The following MSRA variants were observed in gnomAD, a reference collection of about 807,000 sequenced individuals.
MSRA encodes mitochondrial peptide methionine sulfoxide reductase.
A neutral mutation model predicts 31.3 loss-of-function variants in MSRA; 54 were observed. The observed-to-expected ratio is 1.73, with a 90% CI of 1.39 to 2.17. The LOEUF (loss-of-function observed/expected upper bound fraction) is 2.17. MSRA is among the 30% of genes most tolerant of loss of function. The probability of loss-of-function intolerance (pLI) is 0.00; values close to 1 mark genes in which losing one functional copy is unlikely to be tolerated. For missense variants in MSRA, 507 were observed against 300.9 expected (o/e 1.69, Z -5.07); for synonymous variants, 169 against 116.5 (o/e 1.45, Z -2.90).
At chr8:10,089,979 A>G (rs990997411) in intron 1 of MSRA, among the ~76,000 whole-genome samples, 1 of 152,204 alleles carries the variant, frequency 6.6e-6, no homozygotes, top group Non-Finnish European at 1.5e-5. Context: ...GTGGGTATCA[A>G]ATTTCAACAT....
At chr8:10,339,259 T>C (rs1292348582) in intron 5 of MSRA, among the ~76,000 whole-genome samples, 1 of 152,210 alleles carries the variant, frequency 6.6e-6, no homozygotes, top group East Asian at 1.9e-4. Context: ...ACCATCTCTT[T>C]ATCTGAGCAT....
In MSRA at chr8:10,152,723, A is replaced by G. The variant is rs556566982; in HGVS notation, c.143-55110A>G. On this transcript the variant is annotated intron_variant, in intron 1 of 5. Transcript: ENST00000317173. Reference sequence around the variant, plus strand: ...GTTAAAAATGAGTAACGCACACTTCATGTTCACAGCAGCAGTATTCACAAT... The same window carrying G: ...GTTAAAAATGAGTAACGCACACTTCGTGTTCACAGCAGCAGTATTCACAAT... Among the ~76,000 whole-genome samples the G allele has an allele frequency of 2.0e-5, 3 of 152,346 alleles. No individual in the cohort carries two copies. In the East Asian group the frequency reaches 5.8e-4, roughly 29 times the overall value.
chr8:10,207,621 C>A (rs1307163172), intron 1 of MSRA, among the ~76,000 whole-genome samples: 1 of 152,148 alleles, frequency 6.6e-6, no homozygotes, highest in Admixed American at 6.5e-5. Context: ...TCAGCCTACT[C>A]ATTTATAAAA....
At chr8:10,094,925 T>C (rs758664698) in intron 1 of MSRA, among the ~76,000 whole-genome samples, 1 of 152,236 alleles carries the variant, frequency 6.6e-6, no homozygotes, top group Non-Finnish European at 1.5e-5. Context: ...GTTATTTGTT[T>C]TATCAAAAGA....
At chr8:10,135,929 C>A (rs181874446) in intron 1 of MSRA, among the ~76,000 whole-genome samples, 47 of 152,262 alleles carry the variant, frequency 3.1e-4, no homozygotes, top group South Asian at 2.1e-3. Flanking sequence ...AATCACAGAA[C>A]TGAAGATCCA....
At chr8:10,234,449 G>T (rs572943958) in intron 2 of MSRA, among the ~76,000 whole-genome samples, 5 of 151,838 alleles carry the variant, frequency 3.3e-5, no homozygotes, top group Admixed American at 6.6e-5. Context: ...AACACTAGAA[G>T]AACAGATTTT....
At chr8:10,407,347 A>C (rs1807881830) in intron 5 of MSRA, among the ~76,000 whole-genome samples, 1 of 152,134 alleles carries the variant, frequency 6.6e-6, no homozygotes, top group Admixed American at 6.5e-5. Context: ...ATGAGTCAGT[A>C]AGGGCAGGTG....
At chr8:10,178,821 A>C (rs541841655) in intron 1 of MSRA, among the ~76,000 whole-genome samples, 1 of 152,176 alleles carries the variant, frequency 6.6e-6, no homozygotes, top group African/African-American at 2.4e-5. Flanking sequence ...GAGGCAGGGA[A>C]ATAAAATAAC....
At chr8:10,132,720 AG>A (rs1237417206) in intron 1 of MSRA, among the ~76,000 whole-genome samples, 1 of 152,232 alleles carries the variant, frequency 6.6e-6, no homozygotes, top group East Asian at 1.9e-4. Flanking sequence ...AATAGTAATA[AG>A]ATACTAATTG....
At chr8:10,350,798 C>A (rs764888623) in intron 5 of MSRA, among the ~76,000 whole-genome samples, 1 of 152,322 alleles carries the variant, frequency 6.6e-6, no homozygotes, top group African/African-American at 2.4e-5. Flanking sequence ...CGCGCCTCCC[C>A]CTTCACAGCA....
chr8:10,212,205 A>C (rs1027368329), intron 2 of MSRA, among the ~76,000 whole-genome samples: 1 of 151,998 alleles, frequency 6.6e-6, no homozygotes, highest in Non-Finnish European at 1.5e-5. Context: ...AAAAATTTAA[A>C]CTTTACTATC....
intron 1 of MSRA, among the ~76,000 whole-genome samples, chr8:10,175,682 T>G (rs1310412079): frequency 2.0e-5 from 3 of 152,208 alleles, no homozygotes; most frequent in Non-Finnish European, 4.4e-5. Flanking sequence ...ACCTGACTTA[T>G]TTAAGCTTTT....
At chr8:10,349,103 T>C (rs1419786563) in intron 5 of MSRA, among the ~76,000 whole-genome samples, 3 of 152,228 alleles carry the variant, frequency 2.0e-5, no homozygotes, top group Admixed American at 6.5e-5. Context: ...TTCTAAAACA[T>C]GATTAGATAA....
At chr8:10,307,073 G>C (rs767591913) in intron 4 of MSRA, among the ~76,000 whole-genome samples, 7 of 152,012 alleles carry the variant, frequency 4.6e-5, no homozygotes, top group Non-Finnish European at 8.8e-5. Context: ...GGCGGTATTT[G>C]GATGCAGCTC....
intron 1 of MSRA, among the ~76,000 whole-genome samples, chr8:10,180,360 C>T (rs1423531211): frequency 6.6e-6 from 1 of 152,210 alleles, no homozygotes; most frequent in Admixed American, 6.5e-5. Context: ...TACCCTCCCT[C>T]ACAGCACCGT....
chr8:10,405,578 A>G (rs1807754534), intron 5 of MSRA, among the ~76,000 whole-genome samples: 1 of 152,132 alleles, frequency 6.6e-6, no homozygotes, highest in South Asian at 2.1e-4. Context: ...ACTACTAAGG[A>G]CCCCATATCC....
chr8:10,323,899 C>T lies in MSRA; in HGVS notation c.543+3910C>T, dbSNP rs1008431391. On this transcript the variant is annotated intron_variant, in intron 5 of 5. Coordinates refer to ENST00000317173, the MANE Select transcript of MSRA (RefSeq NM_012331.5). ...TAGTATCCCGATAGCCATTGCTGCT[C>T]ACATTACTGCATATAAACTGCTTAA... Among the ~76,000 whole-genome samples the T allele has an allele frequency of 3.3e-5, 5 of 152,168 alleles. No individual in the cohort carries two copies. The South Asian group carries it at 6.2e-4, about 19-fold the overall frequency.
chr8:10,215,400 G>A (rs749812662), intron 2 of MSRA, among the ~76,000 whole-genome samples: 6 of 152,210 alleles, frequency 3.9e-5, no homozygotes, highest in Non-Finnish European at 8.8e-5. Context: ...AGGAAATGAT[G>A]CATTGGCCCC....
At chr8:10,058,431 T>C (rs1015604737) in intron 1 of MSRA, among the ~76,000 whole-genome samples, 7 of 152,182 alleles carry the variant, frequency 4.6e-5, no homozygotes, top group Non-Finnish European at 8.8e-5. Flanking sequence ...TTGATGAAAA[T>C]GATAATTTTT....
Sources: gnomAD v4.1 joint callset for allele counts (sites outside exome capture counted in the v4.1 genomes callset) on GRCh38, gnomAD v4.1.1 for gene constraint, MANE v1.5 for transcripts, NCBI Gene and HGNC (gene_info 2026-07-23, HGNC 2026-07-21) for gene names.